ZSWIM6: variants seen among roughly 807,000 people sequenced by gnomAD.
The protein encoded by ZSWIM6 is zinc finger SWIM-type containing 6.
A neutral mutation model predicts 113.2 loss-of-function variants in ZSWIM6; 9 were observed. That is an observed-to-expected ratio of 0.08 (90% CI 0.05 to 0.14). ZSWIM6 has a LOEUF of 0.14. ZSWIM6 is among the 10% of genes least tolerant of loss of function. The pLI is 1.00. For synonymous variants in ZSWIM6, 611 were observed against 606.5 expected (o/e 1.01, Z -0.11); for missense variants, 1,162 against 1,552.2 (o/e 0.75, Z 4.22).
At chr5:61,512,100 A>G (rs1003487400) in intron 4 of ZSWIM6, among the ~76,000 whole-genome samples, 3 of 152,112 alleles carry the variant, frequency 2.0e-5, no homozygotes, top group African/African-American at 4.8e-5. Flanking sequence ...GATAGAGAAC[A>G]GTCTACCACC....
chr5:61,368,014 C>A (rs1745195784), intron 1 of ZSWIM6, among the ~76,000 whole-genome samples: 1 of 152,076 alleles, frequency 6.6e-6, no homozygotes, highest in African/African-American at 2.4e-5. Context: ...GTAGTCCCAG[C>A]TACTTGGGAG....
At chr5:61,444,501 T>C (rs1746908560) in intron 1 of ZSWIM6, among the ~76,000 whole-genome samples, 1 of 152,172 alleles carries the variant, frequency 6.6e-6, no homozygotes, top group African/African-American at 2.4e-5. Context: ...TTTCTAGTTC[T>C]AGATCCCTGA....
intron 1 of ZSWIM6, among the ~76,000 whole-genome samples, chr5:61,396,901 G>C (rs1287717762): frequency 6.6e-6 from 1 of 152,114 alleles, no homozygotes; most frequent in African/African-American, 2.4e-5. Flanking sequence ...AGTGGACATA[G>C]TTATTCTCTT....
intron 1 of ZSWIM6, among the ~76,000 whole-genome samples, chr5:61,377,202 G>C (rs983074696): frequency 6.6e-6 from 1 of 152,114 alleles, no homozygotes; most frequent in Non-Finnish European, 1.5e-5. Flanking sequence ...TTTATTCAAA[G>C]GGTGTTGGGA....
intron 1 of ZSWIM6, among the ~76,000 whole-genome samples, chr5:61,460,543 C>T (rs1463772936): frequency 1.3e-5 from 2 of 152,148 alleles, no homozygotes; most frequent in Non-Finnish European, 2.9e-5. Flanking sequence ...ACTGTAGTTT[C>T]TCTTCTTTCT....
intron 3 of ZSWIM6, 138 bp from the exon 4 acceptor site, chr5:61,494,122 C>CCACA (rs35518308): frequency 2.0e-4 from 144 of 718,514 alleles, no homozygotes; most frequent in East Asian, 4.9e-4. Context: ...CTATCCTCCA[C>CCACA]CACACACACA....
At chr5:61,404,296 T>G (rs1479788445) in intron 1 of ZSWIM6, among the ~76,000 whole-genome samples, 1 of 152,250 alleles carries the variant, frequency 6.6e-6, no homozygotes, top group African/African-American at 2.4e-5. Flanking sequence ...ATTCTTAAAA[T>G]GATTGCATTT....
chr5:61,476,947 G>T (rs1476854337), intron 2 of ZSWIM6, among the ~76,000 whole-genome samples: 1 of 152,016 alleles, frequency 6.6e-6, no homozygotes, highest in African/African-American at 2.4e-5. Context: ...ACAGTGTTGG[G>T]ATAATTTTAA....
intron 4 of ZSWIM6, among the ~76,000 whole-genome samples, chr5:61,511,777 A>G (rs565688741): frequency 6.6e-6 from 1 of 152,286 alleles, no homozygotes; most frequent in Admixed American, 6.5e-5. Context: ...TTGTTATAGC[A>G]GCCTAAATAG....
chr5:61,523,630 G>T (rs184235561), intron 5 of ZSWIM6, among the ~76,000 whole-genome samples: 77 of 151,944 alleles, frequency 5.1e-4, no homozygotes, highest in African/African-American at 1.8e-3. Flanking sequence ...CAATCTTACT[G>T]CACAATTGAA....
At chr5:61,451,108 A>G (rs761779443) in intron 1 of ZSWIM6, among the ~76,000 whole-genome samples, 21 of 152,054 alleles carry the variant, frequency 1.4e-4, no homozygotes, top group Non-Finnish European at 2.8e-4. Flanking sequence ...TGAGCAATTT[A>G]TCCTGCTTAC....
intron 13 of ZSWIM6, among the ~76,000 whole-genome samples, 152 bp downstream of exon 13, chr5:61,542,117 T>C (rs1462715053): frequency 6.6e-6 from 1 of 152,228 alleles, no homozygotes; most frequent in African/African-American, 2.4e-5. Flanking sequence ...CCCTGACCCC[T>C]TACCCCTAAC....
At chr5:61,428,814 T>A (rs1417556564) in intron 1 of ZSWIM6, among the ~76,000 whole-genome samples, 1 of 152,228 alleles carries the variant, frequency 6.6e-6, no homozygotes, top group Non-Finnish European at 1.5e-5. Context: ...GTTTTTATTA[T>A]TTTTTTCTTT....
chr5:61,421,605 A>G (rs1746356655), intron 1 of ZSWIM6, among the ~76,000 whole-genome samples: 1 of 152,212 alleles, frequency 6.6e-6, no homozygotes, highest in Non-Finnish European at 1.5e-5. Flanking sequence ...CCAGTACCCA[A>G]CAGTTATCTT....
At chr5:61,378,900 C>T (rs1745423785) in intron 1 of ZSWIM6, among the ~76,000 whole-genome samples, 1 of 151,932 alleles carries the variant, frequency 6.6e-6, no homozygotes, top group African/African-American at 2.4e-5. Flanking sequence ...TGAAATTGGG[C>T]TGGGCACGAT....
intron 1 of ZSWIM6, among the ~76,000 whole-genome samples, chr5:61,336,218 C>T (rs572099194): frequency 3.3e-5 from 5 of 151,824 alleles, no homozygotes; most frequent in Admixed American, 2.6e-4. Context: ...GAGCTAAGAT[C>T]GTACCATTGC....
intron 1 of ZSWIM6, among the ~76,000 whole-genome samples, chr5:61,444,993 T>C (rs1746920845): frequency 6.6e-6 from 1 of 152,244 alleles, no homozygotes; most frequent in Non-Finnish European, 1.5e-5. Context: ...AGGACATTTA[T>C]TCTGCAGAAA....
chr5:61,464,171 T>TC (rs1164792510), intron 1 of ZSWIM6, among the ~76,000 whole-genome samples: 1 of 124,394 alleles, frequency 8.0e-6, no homozygotes, highest in East Asian at 2.2e-4. Context: ...TTTTTTTTTT[T>TC]TTTTTTTTTT....
In ZSWIM6 at chr5:61,371,241, C is replaced by T. The variant is rs545669069; in HGVS notation, c.676+38293C>T. Among the ~76,000 whole-genome samples the T allele has an allele frequency of 2.6e-5, 4 of 152,198 alleles. No homozygotes were observed. The East Asian group carries it at 7.7e-4, about 29-fold the overall frequency. ...AGAAAGTTCTTTTACCTCCTTACTCCACCTAGATTTTGTTTTATATTTCAA... is the reference window on the plus strand; with the variant it reads ...AGAAAGTTCTTTTACCTCCTTACTCTACCTAGATTTTGTTTTATATTTCAA... On this transcript the variant is annotated intron_variant, in intron 1 of 13. Coordinates refer to ENST00000252744, the MANE Select transcript of ZSWIM6 (RefSeq NM_020928.2).
Sources: gnomAD v4.1 joint callset for allele counts (sites outside exome capture counted in the v4.1 genomes callset) on GRCh38, gnomAD v4.1.1 for gene constraint, MANE v1.5 for transcripts, NCBI Gene and HGNC (gene_info 2026-07-23, HGNC 2026-07-21) for gene names.